DACH1: variants seen among roughly 807,000 people sequenced by gnomAD.
DACH1 encodes the protein dachshund family transcription factor 1.
A neutral mutation model predicts 54.2 loss-of-function variants in DACH1; 12 were observed. The observed-to-expected ratio is 0.22, with a 90% CI of 0.14 to 0.36. The LOEUF is 0.36. DACH1 is among the 10% of genes least tolerant of loss of function. DACH1 has a pLI of 1.00. For synonymous variants in DACH1, 386 were observed against 366.2 expected, an observed-to-expected ratio of 1.05 and a Z score of -0.62; for missense variants, 805 against 929.8, an observed-to-expected ratio of 0.87 and a Z score of 1.75.
intron 1 of DACH1, among the ~76,000 whole-genome samples, chr13:71,697,932 T>C (rs1432673185): frequency 6.6e-6 from 1 of 152,224 alleles, no homozygotes; most frequent in African/African-American, 2.4e-5. Context: ...GTAAAAAGTC[T>C]ATATTTGGAA....
chr13:71,630,614 A>G lies in DACH1; in HGVS notation c.1068T>C (p.His356=), dbSNP rs1162250824. The G allele has an allele frequency of 3.7e-6, 6 of 1,611,590 alleles. No homozygotes were observed. Among genetic ancestry groups the G allele is most frequent in the African/African-American group, 2.7e-5 (2 of 74,784 alleles). The stretch of plus-strand genomic sequence containing the variant: ...CTGCTCCATGTTGGTTATTACTGGC[A>G]TGATAGTTGCTCATGGCTTCTAATT... ...KIKLEAMSNY[H]ASNNQHGADS... Residue 356 remains histidine, a synonymous_variant, in exon 3 of 11, where the codon CAT becomes CAC. Transcript: ENST00000613252.
intron 6 of DACH1, among the ~76,000 whole-genome samples, chr13:71,547,111 T>G (rs561562656): frequency 1.3e-5 from 2 of 152,174 alleles, no homozygotes; most frequent in Admixed American, 1.3e-4. Context: ...ACGAAAAAAC[T>G]AAACAACCTG....
intron 10 of DACH1, among the ~76,000 whole-genome samples, chr13:71,463,657 G>T (rs9529899): frequency 0.9 from 136,931 of 151,982 alleles, 63,251 homozygotes; most frequent in Non-Finnish European, 1. Context: ...TGGGTTTACT[G>T]TGAAGATCAA....
intron 2 of DACH1, among the ~76,000 whole-genome samples, chr13:71,633,377 C>A (rs1877246177): frequency 6.6e-6 from 1 of 152,156 alleles, no homozygotes. Context: ...AAAGGCTTGG[C>A]CTCACTATAA....
intron 6 of DACH1, among the ~76,000 whole-genome samples, chr13:71,503,742 T>A (rs1343415128): frequency 6.6e-6 from 1 of 152,226 alleles, no homozygotes; most frequent in East Asian, 1.9e-4. Flanking sequence ...CAAATGTTCA[T>A]AAGCTTCTTG....
At chr13:71,837,792 G>A (rs1287020915) in intron 1 of DACH1, among the ~76,000 whole-genome samples, 2 of 147,234 alleles carry the variant, frequency 1.4e-5, no homozygotes, top group African/African-American at 2.5e-5. Flanking sequence ...AAGAAAATGT[G>A]GCACATATAC....
intron 2 of DACH1, among the ~76,000 whole-genome samples, chr13:71,680,512 G>C (rs538335089): frequency 6.6e-6 from 1 of 152,280 alleles, no homozygotes; most frequent in African/African-American, 2.4e-5. Flanking sequence ...GCTGAGGTGG[G>C]AGGATCTCTT....
chr13:71,768,759 T>C (rs1230559657), intron 1 of DACH1, among the ~76,000 whole-genome samples: 1 of 151,912 alleles, frequency 6.6e-6, no homozygotes, highest in Non-Finnish European at 1.5e-5. Flanking sequence ...CCAAATTCCA[T>C]TTAAATTGCT....
intron 10 of DACH1, among the ~76,000 whole-genome samples, chr13:71,449,236 G>T (rs373327056): frequency 6.6e-6 from 1 of 152,066 alleles, no homozygotes; most frequent in East Asian, 1.9e-4. Context: ...TGAGGCAGGA[G>T]AATTGCTTCA....
intron 10 of DACH1, among the ~76,000 whole-genome samples, chr13:71,471,539 T>A (rs1190454783): frequency 6.6e-6 from 1 of 151,854 alleles, no homozygotes; most frequent in Admixed American, 6.6e-5. Context: ...GCTGGGCGGA[T>A]CACAAGGTCA....
At chr13:71,698,680 C>T (rs1881953298) in intron 1 of DACH1, among the ~76,000 whole-genome samples, 1 of 151,892 alleles carries the variant, frequency 6.6e-6, no homozygotes, top group Admixed American at 6.6e-5. Context: ...ATACAAAAAC[C>T]TGTCCATTGT....
Position 71,816,689 on chromosome 13 carries a change from C to T in DACH1, c.848+49233G>A, listed in dbSNP as rs1352687450. ...ATATATATACACACATATATATATA[C>T]ACATATATATATATACACACACCAT... On this transcript the variant is annotated intron_variant, in intron 1 of 10. Transcript: ENST00000613252. Among the ~76,000 whole-genome samples the T allele has an allele frequency of 4.2e-4, 60 of 142,604 alleles. 1 individual carries two copies. Among genetic ancestry groups the T allele is most frequent in the Admixed American group, 2.0e-3 (29 of 14,174 alleles). The allele number at this position is 142,604 out of a possible 152,430, so 93.6% of individuals were successfully genotyped here.
intron 1 of DACH1, among the ~76,000 whole-genome samples, chr13:71,842,281 A>G (rs1334819111): frequency 1.3e-5 from 2 of 152,182 alleles, no homozygotes; most frequent in Non-Finnish European, 2.9e-5. Flanking sequence ...AACGCTTTAT[A>G]GTGCAAATTT....
At position 71,748,890 on chromosome 13, in the gene DACH1, CTTTCTTTCTCTTTCTTTCTTTCTT is replaced by C. The variant is rs1345606503; in HGVS notation, c.849-67004_849-66981del. Among the ~76,000 whole-genome samples, 353 of 88,092 alleles carry C rather than the reference CTTTCTTTCTCTTTCTTTCTTTCTT, an allele frequency of 4.0e-3. 2 individuals are homozygous for C. The highest frequency in any genetic ancestry group is 0.018 in the African/African-American group (315 of 17,144). 57.8% of individuals were successfully genotyped at this position (88,092 alleles called of 152,430 possible). ...TCTTTCTTTCTTTCTTTCTTTCTTT[CTTTCTTTCTCTTTCTTTCTTTCTT>C]TCTTTCTTTCTTTCTTTCTTTCTTT... On this transcript the variant is annotated intron_variant, in intron 1 of 10. Transcript: ENST00000613252.
intron 6 of DACH1, among the ~76,000 whole-genome samples, chr13:71,539,722 A>C (rs1308251207): frequency 6.6e-6 from 1 of 152,078 alleles, no homozygotes. Context: ...AGTAAATTAC[A>C]CCAAGCTTTA....
intron 10 of DACH1, among the ~76,000 whole-genome samples, chr13:71,466,250 T>C (rs1876554118): frequency 6.6e-6 from 1 of 152,198 alleles, no homozygotes; most frequent in South Asian, 2.1e-4. Flanking sequence ...CCAGTTTCCA[T>C]ATATCACTAT....
chr13:71,665,439 A>T (rs1187344397), intron 2 of DACH1, among the ~76,000 whole-genome samples: 1 of 152,014 alleles, frequency 6.6e-6, no homozygotes, highest in Non-Finnish European at 1.5e-5. Context: ...ATGTAACTAT[A>T]AAATATATAA....
intron 6 of DACH1, among the ~76,000 whole-genome samples, chr13:71,516,080 C>T (rs1468020166): frequency 6.6e-6 from 1 of 151,846 alleles, no homozygotes; most frequent in African/African-American, 2.4e-5. Context: ...AAGAAACCCT[C>T]ATCACAAGGA....
At chr13:71,813,838 G>A (rs1021381323) in intron 1 of DACH1, among the ~76,000 whole-genome samples, 1 of 152,070 alleles carries the variant, frequency 6.6e-6, no homozygotes, top group African/African-American at 2.4e-5. Flanking sequence ...CATTAGTAGT[G>A]ACCTCATTTT....
Sources: allele counts gnomAD v4.1 joint callset (sites outside exome capture counted in the v4.1 genomes callset), GRCh38; gene constraint gnomAD v4.1.1; transcripts MANE v1.5; gene names NCBI Gene and HGNC (gene_info 2026-07-23, HGNC 2026-07-21).